The following IDH2 variants were observed in gnomAD, a reference collection of about 807,000 sequenced individuals.
IDH2 encodes isocitrate dehydrogenase (NADP(+)) 2.
Under a neutral mutation model 50.5 loss-of-function variants are expected in IDH2, and 18 were observed. The ratio of observed to expected loss-of-function variants is 0.36; its 90% CI spans 0.25 to 0.53. The LOEUF is 0.53. Among genes scored for constraint, IDH2 ranks in the 20% least tolerant of loss-of-function variants. The pLI is 0.92. For synonymous variants in IDH2, 280 were observed against 239.8 expected, an observed-to-expected ratio of 1.17 and a Z score of -1.55; for missense variants, 518 against 610.7, an observed-to-expected ratio of 0.85 and a Z score of 1.60.
chr15:90,089,672 C>T (rs1324434423), intron 3 of IDH2, among the ~76,000 whole-genome samples: 10 of 152,188 alleles, frequency 6.6e-5, no homozygotes, highest in Non-Finnish European at 1.5e-4. Context: ...GAGTACTTTC[C>T]GCCAGCTCCC....
At chr15:90,093,808 C>T (rs1046030296) in intron 1 of IDH2, among the ~76,000 whole-genome samples, 7 of 151,992 alleles carry the variant, frequency 4.6e-5, no homozygotes, top group South Asian at 2.1e-4. Context: ...TTAGTAGAGA[C>T]GGGGTTTTGC....
At chr15:90,086,644 T>C (rs1900866735) in intron 7 of IDH2, among the ~76,000 whole-genome samples, 1 of 152,084 alleles carries the variant, frequency 6.6e-6, no homozygotes, top group African/African-American at 2.4e-5. Context: ...CCTGACCTCA[T>C]CACCTATACT....
chr15:90,102,178 TG>T, intron 1 of IDH2, 97 bp downstream of exon 1: 1 of 444,370 alleles, frequency 2.3e-6, no homozygotes, highest in African/African-American at 2.1e-5. Context: ...GTCCCCGGGC[TG>T]CGGGCTGGCG....
chr15:90,090,045 C>A (rs558588663), intron 3 of IDH2, among the ~76,000 whole-genome samples: 33 of 151,982 alleles, frequency 2.2e-4, no homozygotes, highest in African/African-American at 7.2e-4. Context: ...GGACTACTGC[C>A]CAAAGAAGCC....
At position 90,083,119 on chromosome 15, in the gene IDH2, ATTTTTTTTTTTTTTT is replaced by A. The variant is rs59583363; in HGVS notation, c.*1132_*1146del. The A allele has an allele frequency of 3.2e-4, 20 of 62,706 alleles. No individual in the cohort carries two copies. Among genetic ancestry groups the A allele is most frequent in the Admixed American group, 3.0e-3 (11 of 3,716 alleles). 3.9% of individuals were successfully genotyped at this position (62,706 alleles called of 1,614,324 possible). A position where few individuals can be genotyped will look rare whatever the true frequency, so the allele number is the denominator to read the frequency against. On this transcript the variant is annotated 3_prime_UTR_variant, in exon 11 of 11. Transcript: ENST00000330062. ...GGGGCTAAAAAACTTGCATAGAGCA[ATTTTTTTTTTTTTTT>A]TTTTTTTTTTTTTTTTGAGACAGAG...
intron 1 of IDH2, among the ~76,000 whole-genome samples, chr15:90,097,659 G>A (rs566993948): frequency 1.4e-5 from 2 of 139,156 alleles, no homozygotes; most frequent in Admixed American, 1.4e-4. Flanking sequence ...GGCTGCCAGG[G>A]ACTGGGGACG....
At chr15:90,099,801 TC>T (rs917462356) in intron 1 of IDH2, among the ~76,000 whole-genome samples, 3 of 152,216 alleles carry the variant, frequency 2.0e-5, no homozygotes, top group African/African-American at 7.2e-5. Flanking sequence ...TCAACATCTA[TC>T]TTGCTTACTG....
chr15:90,084,170 CAG>C lies in IDH2; in HGVS notation c.*94_*95del. 1.1e-6 allele frequency: 1 copy of C among 938,960 alleles called. No homozygotes were observed. The highest frequency in any genetic ancestry group is 1.7e-6 in the Non-Finnish European group (1 of 591,056). 58.2% of individuals were successfully genotyped at this position (938,960 alleles called of 1,614,324 possible). ...AAAAAACATCCCCTAGAAAGGCCTC[CAG>C]AGAGGGGCTGTGAGGCTCACCCTCT... On this transcript the variant is annotated 3_prime_UTR_variant, in exon 11 of 11. Transcript: ENST00000330062. This position sits in a 1 kb window ranked among gnomAD's most constrained non-coding sequence, Gnocchi z 5.0.
chr15:90,084,417 C>T lies in IDH2; in HGVS notation c.1272-64G>A. ...GGCCTTGCCAAGGCCATCAGCCAGG[C>T]CCTTCCAGGGAACAGCCTGAGCTTG... On this transcript the variant is annotated intron_variant, in intron 10 of 10. Transcript: ENST00000330062. The surrounding 1 kb of genome is among the most constrained non-coding windows in gnomAD (Gnocchi z 5.0). The T allele has an allele frequency of 6.9e-7, 1 of 1,442,458 alleles. No homozygotes were observed. Among genetic ancestry groups the T allele is most frequent in the Non-Finnish European group, 9.6e-7 (1 of 1,038,436 alleles). The allele number at this position is 1,442,458 out of a possible 1,614,324, so 89.4% of individuals were successfully genotyped here.
chr15:90,087,558 C>A lies in IDH2; in HGVS notation c.696G>T (p.Ala232=), dbSNP rs770825833. ...GGATGGCATACTGGAAGCAGCTGTG[C>A]GCAAAACCTGAGATGGACTGCAGGG... ...YNTDESISGF[A]HSCFQYAIQK... The change falls in exon 6 of 11, where the codon GCG becomes GCT. Residue 232 remains alanine (A), a synonymous_variant. Transcript: ENST00000330062. 1 of 1,613,602 alleles carries A rather than the reference C, an allele frequency of 6.2e-7. No individual in the cohort carries two copies. The highest frequency in any genetic ancestry group is 8.5e-7 in the Non-Finnish European group (1 of 1,180,030).
intron 7 of IDH2, 39 bp downstream of exon 7, chr15:90,087,071 AAC>A (rs1200602862): frequency 6.2e-7 from 1 of 1,610,368 alleles, no homozygotes; most frequent in South Asian, 1.1e-5. Context: ...AGAGAAGACC[AAC>A]AGTCCACCCC....
intron 1 of IDH2, among the ~76,000 whole-genome samples, chr15:90,096,336 T>C (rs1209515452): frequency 1.3e-5 from 2 of 151,944 alleles, no homozygotes; most frequent in African/African-American, 2.4e-5. Context: ...AAGACTTAAA[T>C]AGACATTTCA....
At chr15:90,093,370 T>C (rs889170192) in intron 1 of IDH2, among the ~76,000 whole-genome samples, 8 of 152,236 alleles carry the variant, frequency 5.3e-5, no homozygotes, top group Non-Finnish European at 1.0e-4. Context: ...TGCAATTCTA[T>C]GAGCTACGCT....
chr15:90,102,046 C>T (rs1052793370), intron 1 of IDH2, among the ~76,000 whole-genome samples: 3 of 151,930 alleles, frequency 2.0e-5, no homozygotes, highest in South Asian at 2.1e-4. Flanking sequence ...GGCCGTCGCC[C>T]GGGCCACCAG....
chr15:90,087,581 G>A lies in IDH2; in HGVS notation c.679-6C>T. On this transcript the variant is annotated splice_region_variant and splice_polypyrimidine_tract_variant and intron_variant, in intron 5 of 10. Transcript: ENST00000330062. ...TGCGCAAAACCTGAGATGGACTGCA[G>A]GGGGAGAGACAGGGCCCTGGCGTGG... 1.2e-6 allele frequency: 2 copies of A among 1,612,940 alleles called. No homozygotes were observed. Among genetic ancestry groups the A allele is most frequent in the Non-Finnish European group, 1.7e-6 (2 of 1,180,034 alleles).
At chr15:90,087,397 G>T in intron 6 of IDH2, 42 bp downstream of exon 6, 2 of 1,613,890 alleles carry the variant, frequency 1.2e-6, no homozygotes, top group Non-Finnish European at 1.7e-6. Context: ...CAGCATGGGG[G>T]GAAGGGAAGA....
At position 90,087,594 on chromosome 15, in the gene IDH2, G is replaced by C; in HGVS notation, c.679-19C>G. 6.2e-7 allele frequency: 1 copy of C among 1,612,472 alleles called. No individual in the cohort carries two copies. The highest frequency in any genetic ancestry group is 8.5e-7 in the Non-Finnish European group (1 of 1,180,010). ...AGATGGACTGCAGGGGGAGAGACAG[G>C]GCCCTGGCGTGGTGCCCTAGCCTGG... On this transcript the variant is annotated intron_variant, in intron 5 of 10. Transcript: ENST00000330062.
intron 1 of IDH2, among the ~76,000 whole-genome samples, chr15:90,095,783 C>G (rs1313128718): frequency 6.6e-6 from 1 of 152,160 alleles, no homozygotes; most frequent in Non-Finnish European, 1.5e-5. Flanking sequence ...CTACAGGTAA[C>G]AGAGAGAGAG....
In IDH2 at chr15:90,088,359, C is replaced by T. The variant is rs1365092162; in HGVS notation, c.678G>A (p.Glu226=). The change falls in exon 5 of 11, where the codon GAG becomes GAA. Residue 226 remains glutamate, a splice_region_variant and synonymous_variant. Transcript: ENST00000330062. The stretch of plus-strand genomic sequence containing the variant: ...CCCAGGATGCCCAAGCCAGCCTCAC[C>T]TCGTCGGTGTTGTACATGCCCATGC... ...GVGMGMYNTD[E]SISGFAHSCF... is the part of the protein sequence containing the mutation. The T allele has an allele frequency of 1.2e-6, 2 of 1,613,418 alleles. No individual in the cohort carries two copies. Among genetic ancestry groups the T allele is most frequent in the Non-Finnish European group, 1.7e-6 (2 of 1,180,036 alleles).
Sources: gnomAD v4.1 joint callset for allele counts (sites outside exome capture counted in the v4.1 genomes callset) on GRCh38, gnomAD v4.1.1 for gene constraint, Gnocchi (gnomAD v3.1) non-coding constraint, MANE v1.5 for transcripts, NCBI Gene and HGNC (gene_info 2026-07-23, HGNC 2026-07-21) for gene names.